The following VWF variants were observed in gnomAD, a reference collection of about 807,000 sequenced individuals.
VWF encodes von Willebrand factor, also known as Factor VIII related antigen.
In VWF, 176 loss-of-function variants were observed where a neutral mutation model predicts 308.6. The ratio of observed to expected loss-of-function variants is 0.57; its 90% CI spans 0.50 to 0.65. The LOEUF is 0.65. Among genes scored for constraint, VWF ranks in the 30% least tolerant of loss-of-function variants. The probability of loss-of-function intolerance (pLI) is 0.00; values close to 1 mark genes in which losing one functional copy is unlikely to be tolerated. For missense variants in VWF, 3,146 were observed against 3,648.2 expected (o/e 0.86, Z 3.55); for synonymous variants, 1,385 against 1,443.4 (o/e 0.96, Z 0.92).
In VWF at chr12:6,095,563, T is replaced by C; in HGVS notation, c.554A>G (p.Tyr185Cys). ...TQEGTLTSDP[Y>C]DFANSWALSS... ...CAGAGCCCATGAGTTGGCAAAGTCA[T>C]AAGGGTCCGAGGTCAAGGTCCCTGT... Residue 185 changes from tyrosine (Y) to cysteine (C), a missense_variant, in exon 6 of 52, where the codon TAT becomes TGT. By Grantham distance (194) the Tyr-to-Cys change is radical (BLOSUM62 -2). This residue lies in a region of VWF where 1,304 missense variants were observed against 1,353.0 expected (regional missense o/e 0.96). Transcript: ENST00000261405. 1 of 1,614,178 alleles carries C rather than the reference T, an allele frequency of 6.2e-7. No homozygotes were observed. The highest frequency in any genetic ancestry group is 1.7e-5 in the Admixed American group (1 of 60,020).
chr12:6,106,875 CAAAAAAA>C (rs201177758), intron 5 of VWF, among the ~76,000 whole-genome samples: 6 of 34,814 alleles, frequency 1.7e-4, no homozygotes, highest in South Asian at 1.1e-3. Context: ...AACTCCGACT[CAAAAAAA>C]AAAAAAAAAA....
At chr12:5,951,984 T>C in intron 49 of VWF, 101 bp from the exon 50 acceptor site, 1 of 1,139,374 alleles carries the variant, frequency 8.8e-7, no homozygotes, top group Non-Finnish European at 1.3e-6. Context: ...CACAGCCCTG[T>C]GCTTAAGTGC....
In VWF at chr12:6,024,254, T is replaced by C. The variant is rs1191844336; in HGVS notation, c.3223-467A>G. Among the ~76,000 whole-genome samples, 2 of 152,228 alleles carry C rather than the reference T, an allele frequency of 1.3e-5. No individual in the cohort carries two copies. Among genetic ancestry groups the C allele is most frequent in the Admixed American group, 1.3e-4 (2 of 15,286 alleles). On this transcript the variant is annotated intron_variant, in intron 24 of 51. Coordinates refer to ENST00000261405, the MANE Select transcript of VWF (RefSeq NM_000552.5). The surrounding 1 kb of genome is among the most constrained non-coding windows in gnomAD (Gnocchi z 4.0). ...CTGCAGCTGCCTCACTGCAGTGCTA[T>C]GGGGCAGGTATGCAGGACAATAGGG...
chr12:5,987,286 A>T (rs900266389), intron 38 of VWF, among the ~76,000 whole-genome samples: 1 of 152,208 alleles, frequency 6.6e-6, no homozygotes, highest in East Asian at 1.9e-4. Flanking sequence ...CTAATAATAA[A>T]TATGTTCAAG....
At chr12:6,028,296 C>G (rs1490396897) in intron 22 of VWF, among the ~76,000 whole-genome samples, 1 of 152,074 alleles carries the variant, frequency 6.6e-6, no homozygotes, top group East Asian at 1.9e-4. Context: ...AAGGAAACAC[C>G]CTAGAATAGT....
intron 5 of VWF, among the ~76,000 whole-genome samples, chr12:6,102,001 G>A (rs1241270378): frequency 6.6e-6 from 1 of 152,112 alleles, no homozygotes; most frequent in Non-Finnish European, 1.5e-5. Context: ...TTATGGGGGA[G>A]GGCGGAATTT....
rs777235699 is a variant in VWF at position 6,121,312 on chromosome 12, C to T, written c.82G>A (p.Gly28Ser). 15 of 1,614,002 alleles carry T rather than the reference C, an allele frequency of 9.3e-6. No individual in the cohort carries two copies. Among genetic ancestry groups the T allele is most frequent in the Middle Eastern group, 1.6e-4 (1 of 6,084 alleles). ...CTGCATCGGGCCGTGGATGACCTGC[C>T]GCGAGTTCCTTCTGCACAAAGGGTC... ...PGTLCAEGTR[G>S]RSSTARCSLF... is the part of the protein sequence containing the mutation. Residue 28 changes from glycine to serine, a missense_variant, in exon 3 of 52, where the codon GGC becomes AGC. By Grantham distance (56) the Gly-to-Ser change is moderately conservative. Transcript: ENST00000261405.
chr12:6,082,312 A>G (rs1944922114), intron 6 of VWF, among the ~76,000 whole-genome samples: 1 of 152,234 alleles, frequency 6.6e-6, no homozygotes, highest in Non-Finnish European at 1.5e-5. Flanking sequence ...TTATTTTAAA[A>G]TGAATCAAAA....
At chr12:6,000,127 C>T (rs1943854147) in intron 34 of VWF, among the ~76,000 whole-genome samples, 1 of 152,026 alleles carries the variant, frequency 6.6e-6, no homozygotes, top group African/African-American at 2.4e-5. Flanking sequence ...CTCATGAAAA[C>T]ATTCTGGAAA....
intron 17 of VWF, among the ~76,000 whole-genome samples, chr12:6,044,756 T>C (rs1010322584): frequency 2.6e-5 from 4 of 152,180 alleles, no homozygotes; most frequent in African/African-American, 4.8e-5. Flanking sequence ...TCAGGATGCA[T>C]TGCAGAAATT....
At chr12:6,076,524 TGA>T (rs1944847051) in intron 6 of VWF, among the ~76,000 whole-genome samples, 1 of 151,782 alleles carries the variant, frequency 6.6e-6, no homozygotes, top group Non-Finnish European at 1.5e-5. Context: ...ATGATCCCCA[TGA>T]TTTCTTTCTT....
chr12:6,001,139 G>A (rs1465596591), intron 34 of VWF, among the ~76,000 whole-genome samples: 3 of 152,056 alleles, frequency 2.0e-5, no homozygotes, highest in African/African-American at 7.2e-5. Context: ...TTAAAAATAT[G>A]GGCCTGAAGG....
chr12:6,045,360 G>A (rs1047741409), intron 17 of VWF, among the ~76,000 whole-genome samples: 28 of 152,192 alleles, frequency 1.8e-4, no homozygotes, highest in African/African-American at 6.5e-4. Context: ...AAGGCTAAAC[G>A]GCTTTTCCCA....
chr12:6,090,159 A>G (rs1036166493), intron 6 of VWF, among the ~76,000 whole-genome samples: 6 of 152,028 alleles, frequency 3.9e-5, no homozygotes, highest in African/African-American at 9.7e-5. Context: ...GGGTTTCACC[A>G]TGTTAGCCAG....
intron 47 of VWF, among the ~76,000 whole-genome samples, chr12:5,963,593 C>G (rs955053700): frequency 1.3e-5 from 2 of 152,186 alleles, no homozygotes; most frequent in Admixed American, 6.5e-5. Context: ...CTGCTGTTCT[C>G]TTGTATCCCC....
chr12:6,078,034 G>C (rs1944865357), intron 6 of VWF, among the ~76,000 whole-genome samples: 1 of 152,072 alleles, frequency 6.6e-6, no homozygotes, highest in Non-Finnish European at 1.5e-5. Flanking sequence ...AATAAATGAT[G>C]ACCCCTATCA....
intron 6 of VWF, among the ~76,000 whole-genome samples, chr12:6,088,406 G>C (rs142710889): frequency 6.6e-6 from 1 of 151,566 alleles, no homozygotes; most frequent in Non-Finnish European, 1.5e-5. Flanking sequence ...GTGAACCCGG[G>C]AGGCGGAGCT....
At position 6,019,828 on chromosome 12, in the gene VWF, A is replaced by T; in HGVS notation, c.3675-85T>A. 1.4e-6 allele frequency: 2 copies of T among 1,413,110 alleles called. No homozygotes were observed. The highest frequency in any genetic ancestry group is 1.9e-6 in the Non-Finnish European group (2 of 1,033,814). The allele number at this position is 1,413,110 out of a possible 1,614,324, so 87.5% of individuals were successfully genotyped here. A position where few individuals can be genotyped will look rare whatever the true frequency, so the allele number is the denominator to read the frequency against. ...CCCTACAGTGTACAATGACTTCCAT[A>T]TTCCCACAGAATCTCCTCTGTTCCA... On this transcript the variant is annotated intron_variant, in intron 27 of 51. Transcript: ENST00000261405. The surrounding 1 kb of genome is among the most constrained non-coding windows in gnomAD (Gnocchi z 5.8).
Position 6,024,821 on chromosome 12 carries a change from A to G in VWF, c.3222+759T>C, listed in dbSNP as rs1456685501. 1.3e-5 allele frequency among the ~76,000 whole-genome samples: 2 copies of G among 152,202 alleles called. No individual in the cohort carries two copies. The highest frequency in any genetic ancestry group is 2.9e-5 in the Non-Finnish European group (2 of 68,026). On this transcript the variant is annotated intron_variant, in intron 24 of 51. Coordinates refer to ENST00000261405, the MANE Select transcript of VWF (RefSeq NM_000552.5). This position sits in a 1 kb window ranked among gnomAD's most constrained non-coding sequence, Gnocchi z 4.0. ...GGTAGATCACCTGAGTCAGGAGTTC[A>G]AGGCCAGCCTGACCAACATGGTGAA...
Sources: gnomAD v4.1 joint callset for allele counts (sites outside exome capture counted in the v4.1 genomes callset) on GRCh38, gnomAD v4.1.1 for gene constraint, gnomAD v4.1.1 regional missense constraint, Gnocchi (gnomAD v3.1) non-coding constraint, MANE v1.5 for transcripts, NCBI Gene and HGNC (gene_info 2026-07-23, HGNC 2026-07-21) for gene names.